The following INPP4B variants were observed in gnomAD, a reference collection of about 807,000 sequenced individuals.
The protein encoded by INPP4B is inositol polyphosphate-4-phosphatase type II B, also known as inositol polyphosphate 4-phosphatase type II.
Under a neutral mutation model 122.5 loss-of-function variants are expected in INPP4B, and 55 were observed. That is an observed-to-expected ratio of 0.45 (90% CI 0.36 to 0.56). The LOEUF (loss-of-function observed/expected upper bound fraction) is 0.56, where lower values mean the gene tolerates loss of function less well. Among genes scored for constraint, INPP4B ranks in the 20% least tolerant of loss-of-function variants. The pLI is 0.00. For synonymous variants in INPP4B, 403 were observed against 388.7 expected (o/e 1.04, Z -0.43); for missense variants, 1,000 against 1,097.7 (o/e 0.91, Z 1.26).
At chr4:142,575,085 T>A (rs141952614) in intron 2 of INPP4B, among the ~76,000 whole-genome samples, 193 of 152,182 alleles carry the variant, frequency 1.3e-3, no homozygotes, top group African/African-American at 4.6e-3. Flanking sequence ...TCAATTCTTA[T>A]AAGGATCGAA....
At chr4:142,063,607 C>G (rs1411407679) in intron 25 of INPP4B, among the ~76,000 whole-genome samples, 1 of 152,054 alleles carries the variant, frequency 6.6e-6, no homozygotes, top group African/African-American at 2.4e-5. Flanking sequence ...AGGGCAACTA[C>G]TAAATTTAAA....
intron 2 of INPP4B, among the ~76,000 whole-genome samples, chr4:142,550,751 A>G (rs1727800736): frequency 1.3e-5 from 2 of 152,040 alleles, no homozygotes; most frequent in Admixed American, 6.6e-5. Flanking sequence ...TCAAAGCCAC[A>G]TATTAAAATG....
At chr4:142,746,957 C>A (rs1429291864) in intron 1 of INPP4B, among the ~76,000 whole-genome samples, 2 of 152,060 alleles carry the variant, frequency 1.3e-5, no homozygotes, top group Admixed American at 6.6e-5. Context: ...AGGATATAGG[C>A]ATGGGCAAAG....
At chr4:142,720,799 C>CTATA (rs1330449318) in intron 2 of INPP4B, among the ~76,000 whole-genome samples, 38 of 26,304 alleles carry the variant, frequency 1.4e-3, no homozygotes, top group East Asian at 2.2e-3. Context: ...CTCTCTCTCT[C>CTATA]TCTCTCTCTC....
Position 142,492,200 on chromosome 4 carries a change from A to G in INPP4B, c.-190-29474T>C, listed in dbSNP as rs200932947. 8.5e-5 allele frequency among the ~76,000 whole-genome samples: 13 copies of G among 152,264 alleles called. No individual in the cohort carries two copies. The East Asian group carries it at 2.5e-3, about 29-fold the overall frequency. On this transcript the variant is annotated intron_variant, in intron 2 of 25. Transcript: ENST00000262992. ...ATTGTCAGTTTCCTGAGGCCTCTCC[A>G]GACATGTTGAATTGTGAGTCAACTA... is the stretch of plus-strand genomic sequence containing the variant.
intron 25 of INPP4B, among the ~76,000 whole-genome samples, chr4:142,044,018 A>C (rs1749812325): frequency 6.6e-6 from 1 of 152,210 alleles, no homozygotes; most frequent in African/African-American, 2.4e-5. Context: ...GACTAGGAAG[A>C]TACAGATTCT....
At chr4:142,328,459 C>T (rs1436502838) in intron 7 of INPP4B, among the ~76,000 whole-genome samples, 1 of 152,112 alleles carries the variant, frequency 6.6e-6, no homozygotes, top group Non-Finnish European at 1.5e-5. Context: ...TGGTATTTTC[C>T]TTTTTTGCTC....
chr4:142,529,588 A>T (rs1580295883), intron 2 of INPP4B, among the ~76,000 whole-genome samples: 1 of 152,022 alleles, frequency 6.6e-6, no homozygotes, highest in East Asian at 1.9e-4. Flanking sequence ...ATTACTTTAA[A>T]ATATGTATTT....
At chr4:142,357,165 C>T (rs1023947059) in intron 7 of INPP4B, among the ~76,000 whole-genome samples, 1 of 151,992 alleles carries the variant, frequency 6.6e-6, no homozygotes, top group African/African-American at 2.4e-5. Context: ...CTGTGAACCA[C>T]TTTAGGAAAT....
intron 23 of INPP4B, among the ~76,000 whole-genome samples, chr4:142,092,882 T>C (rs529271741): frequency 6.6e-6 from 1 of 152,200 alleles, no homozygotes; most frequent in Non-Finnish European, 1.5e-5. Context: ...CCTGCAGTGA[T>C]GGGTTTAAAA....
chr4:142,456,160 T>C (rs1380259341), intron 3 of INPP4B, among the ~76,000 whole-genome samples: 1 of 149,192 alleles, frequency 6.7e-6, no homozygotes, highest in African/African-American at 2.5e-5. Context: ...TAACTTGATG[T>C]GATCCAATTT....
chr4:142,704,159 C>G (rs897985262), intron 2 of INPP4B, among the ~76,000 whole-genome samples: 3 of 152,022 alleles, frequency 2.0e-5, no homozygotes, highest in Non-Finnish European at 4.4e-5. Context: ...GAACTTGTTC[C>G]AGAACATGTA....
chr4:142,564,439 C>CAAAAAAA (rs199803105), intron 2 of INPP4B, among the ~76,000 whole-genome samples: 7 of 97,912 alleles, frequency 7.1e-5, no homozygotes, highest in African/African-American at 1.7e-4. Context: ...TAAGGAATGG[C>CAAAAAAA]AAAAAAAAAA....
intron 7 of INPP4B, among the ~76,000 whole-genome samples, chr4:142,376,202 T>C (rs1191070991): frequency 6.6e-6 from 1 of 152,038 alleles, no homozygotes; most frequent in Non-Finnish European, 1.5e-5. Flanking sequence ...ATATAATTTC[T>C]AGGAACTTTC....
chr4:142,707,097 C>T (rs1474924172), intron 2 of INPP4B, among the ~76,000 whole-genome samples: 2 of 152,186 alleles, frequency 1.3e-5, no homozygotes, highest in Non-Finnish European at 2.9e-5. Context: ...ACTGGATCAG[C>T]ATCTTCTTCT....
intron 12 of INPP4B, among the ~76,000 whole-genome samples, chr4:142,233,511 T>C (rs1855353453): frequency 1.3e-5 from 2 of 152,130 alleles, no homozygotes; most frequent in South Asian, 2.1e-4. Flanking sequence ...AATGAATGGT[T>C]TGCACTCTTT....
At chr4:142,471,661 T>A (rs1304217629) in intron 2 of INPP4B, among the ~76,000 whole-genome samples, 2 of 152,166 alleles carry the variant, frequency 1.3e-5, no homozygotes, top group Non-Finnish European at 2.9e-5. Context: ...AGGCCCAGCA[T>A]CAGCAGTGTA....
intron 9 of INPP4B, among the ~76,000 whole-genome samples, chr4:142,280,688 G>A (rs1750789283): frequency 6.6e-6 from 1 of 151,808 alleles, no homozygotes; most frequent in African/African-American, 2.4e-5. Context: ...TGGGATAAAT[G>A]AGAAAGGACA....
intron 1 of INPP4B, among the ~76,000 whole-genome samples, chr4:142,809,080 T>C (rs1779193103): frequency 6.6e-6 from 1 of 152,076 alleles, no homozygotes; most frequent in Non-Finnish European, 1.5e-5. Flanking sequence ...TTTTTATCAG[T>C]GAATGATGTT....
Sources: gnomAD v4.1 joint callset for allele counts (sites outside exome capture counted in the v4.1 genomes callset) on GRCh38, gnomAD v4.1.1 for gene constraint, MANE v1.5 for transcripts, NCBI Gene and HGNC (gene_info 2026-07-23, HGNC 2026-07-21) for gene names.